Variants in DTWD2 observed in about 807,000 individuals in gnomAD.
DTWD2 encodes the protein DTW motif tRNA-uridine aminocarboxypropyltransferase 2.
In DTWD2, 39 loss-of-function variants were observed where a neutral mutation model predicts 31.8. The observed-to-expected ratio is 1.22, with a 90% confidence interval of 0.95 to 1.60. The LOEUF (loss-of-function observed/expected upper bound fraction) is 1.60. Among genes scored for constraint, DTWD2 ranks in the 40% most tolerant of loss-of-function variants. The pLI is 0.00. For missense variants in DTWD2, 515 were observed against 381.5 expected (o/e 1.35, Z -2.92); for synonymous variants, 180 against 142.8 (o/e 1.26, Z -1.86).
At chr5:118,948,457 G>C (rs966288280) in intron 1 of DTWD2, among the ~76,000 whole-genome samples, 2 of 152,150 alleles carry the variant, frequency 1.3e-5, no homozygotes, top group Non-Finnish European at 2.9e-5. Context: ...CTCCAGCCTG[G>C]GCGACAAAGC....
chr5:118,957,589 C>A (rs2442122), intron 1 of DTWD2, among the ~76,000 whole-genome samples: 2 of 151,716 alleles, frequency 1.3e-5, no homozygotes, highest in Non-Finnish European at 2.9e-5. Context: ...TAATATATAT[C>A]TGTTTTAAAT....
chr5:118,952,396 T>C (rs1025822911), intron 1 of DTWD2, among the ~76,000 whole-genome samples: 8 of 151,966 alleles, frequency 5.3e-5, no homozygotes, highest in Admixed American at 1.3e-4. Flanking sequence ...CAAAGGGACA[T>C]AGGGGTGGGG....
intron 4 of DTWD2, among the ~76,000 whole-genome samples, chr5:118,900,714 C>T (rs1753185856): frequency 6.6e-6 from 1 of 151,992 alleles, no homozygotes; most frequent in African/African-American, 2.4e-5. Context: ...ATCACAAGGT[C>T]AGGAGATCGA....
At chr5:118,920,009 A>ATT (rs1753665573) in intron 4 of DTWD2, among the ~76,000 whole-genome samples, 1 of 151,986 alleles carries the variant, frequency 6.6e-6, no homozygotes, top group African/African-American at 2.4e-5. Context: ...ATAAAAATAA[A>ATT]AAAAAAAAGT....
intron 4 of DTWD2, among the ~76,000 whole-genome samples, chr5:118,917,216 G>A (rs1438232657): frequency 6.6e-6 from 1 of 152,030 alleles, no homozygotes; most frequent in Non-Finnish European, 1.5e-5. Context: ...TGACAGTGCA[G>A]GAACTATAAT....
At chr5:118,957,650 G>C (rs1754616844) in intron 1 of DTWD2, among the ~76,000 whole-genome samples, 1 of 152,102 alleles carries the variant, frequency 6.6e-6, no homozygotes. Context: ...CTCCCACAAA[G>C]GAATAGATTC....
At chr5:118,907,727 CAA>C (rs1191974736) in intron 4 of DTWD2, among the ~76,000 whole-genome samples, 26 of 115,636 alleles carry the variant, frequency 2.2e-4, no homozygotes, top group African/African-American at 2.9e-4. Flanking sequence ...GACTCCATAT[CAA>C]AAAAAAAAAA....
chr5:118,903,146 TA>T (rs55691479), intron 4 of DTWD2, among the ~76,000 whole-genome samples: 31,319 of 138,154 alleles, frequency 0.23, 5,168 homozygotes, highest in African/African-American at 0.48. Flanking sequence ...GCTAAAATGG[TA>T]AAAAAAAAAA....
At chr5:118,970,954 C>G (rs1304000946) in intron 1 of DTWD2, among the ~76,000 whole-genome samples, 1 of 152,158 alleles carries the variant, frequency 6.6e-6, no homozygotes, top group Non-Finnish European at 1.5e-5. Flanking sequence ...TTCGTCACCA[C>G]CAGGCCTGCC....
chr5:118,848,304 T>C, intron 4 of DTWD2, 86 bp from the exon 5 acceptor site: 2 of 1,254,218 alleles, frequency 1.6e-6, no homozygotes, highest in Middle Eastern at 2.5e-4. Flanking sequence ...TTACTTTCCT[T>C]CCAAAACTGC....
intron 2 of DTWD2, among the ~76,000 whole-genome samples, chr5:118,941,138 G>T (rs1251864894): frequency 1.3e-5 from 2 of 151,846 alleles, no homozygotes; most frequent in Non-Finnish European, 2.9e-5. Flanking sequence ...TTTTCTATGG[G>T]AGAGTCAAAA....
chr5:118,944,723 TA>T, intron 1 of DTWD2, 74 bp from the exon 2 acceptor site: 1 of 1,367,558 alleles, frequency 7.3e-7, no homozygotes, highest in South Asian at 1.2e-5. Flanking sequence ...TAAATGACCT[TA>T]ATCCCACTGC....
intron 1 of DTWD2, among the ~76,000 whole-genome samples, chr5:118,965,158 G>A (rs1045142691): frequency 8.1e-5 from 12 of 148,656 alleles, no homozygotes; most frequent in African/African-American, 2.8e-4. Context: ...GAGCCCCTCC[G>A]CCCGGCAGCT....
chr5:118,929,980 T>C (rs1442289765), intron 3 of DTWD2, among the ~76,000 whole-genome samples: 3 of 152,218 alleles, frequency 2.0e-5, no homozygotes, highest in African/African-American at 2.4e-5. Flanking sequence ...CCAAATGTTT[T>C]TGCCATAATA....
intron 1 of DTWD2, among the ~76,000 whole-genome samples, chr5:118,956,439 A>ACTTG (rs1415864802): frequency 6.6e-6 from 1 of 152,188 alleles, no homozygotes; most frequent in African/African-American, 2.4e-5. Context: ...ACTAAGACTG[A>ACTTG]CTTGCTTCCT....
chr5:118,933,552 A>C (rs575799191), intron 3 of DTWD2, among the ~76,000 whole-genome samples: 7 of 152,296 alleles, frequency 4.6e-5, no homozygotes, highest in African/African-American at 1.7e-4. Flanking sequence ...AAGAAACATC[A>C]AAGGACTGTA....
chr5:118,905,366 C>T (rs1753305038), intron 4 of DTWD2, among the ~76,000 whole-genome samples: 2 of 152,026 alleles, frequency 1.3e-5, no homozygotes, highest in African/African-American at 4.8e-5. Context: ...AAGAGATGCT[C>T]CTGCTCTCTC....
chr5:118,895,548 A>G (rs1753066714), intron 4 of DTWD2, among the ~76,000 whole-genome samples: 1 of 152,230 alleles, frequency 6.6e-6, no homozygotes, highest in Non-Finnish European at 1.5e-5. Context: ...GATGGTGAAT[A>G]GCTAAAGCAA....
chr5:118,899,215 CTG>C (rs1285912297), intron 4 of DTWD2, among the ~76,000 whole-genome samples: 1 of 152,206 alleles, frequency 6.6e-6, no homozygotes, highest in African/African-American at 2.4e-5. Flanking sequence ...CTCAAGAAGA[CTG>C]TGATGTGTCT....
Sources: gnomAD v4.1 joint callset for allele counts (sites outside exome capture counted in the v4.1 genomes callset) on GRCh38, gnomAD v4.1.1 for gene constraint, MANE v1.5 for transcripts, NCBI Gene and HGNC (gene_info 2026-07-23, HGNC 2026-07-21) for gene names.